The following DYNC1H1 variants were observed in gnomAD, a reference collection of about 807,000 sequenced individuals.
DYNC1H1 encodes dynein cytoplasmic 1 heavy chain 1, also known as cytoplasmic dynein 1 heavy chain 1.
Under a neutral mutation model 527.1 loss-of-function variants are expected in DYNC1H1, and 51 were observed. The ratio of observed to expected loss-of-function variants is 0.10; its 90% CI spans 0.08 to 0.12. The LOEUF (loss-of-function observed/expected upper bound fraction) is 0.12, where lower values mean the gene tolerates loss of function less well. Among genes scored for constraint, DYNC1H1 ranks in the 10% least tolerant of loss-of-function variants. The probability of loss-of-function intolerance (pLI) is 1.00; values close to 1 mark genes in which losing one functional copy is unlikely to be tolerated. For missense variants in DYNC1H1, 2,771 were observed against 5,971.8 expected, an observed-to-expected ratio of 0.46 and a Z score of 17.66; for synonymous variants, 2,189 against 2,278.8, an observed-to-expected ratio of 0.96 and a Z score of 1.12.
At chr14:101,992,653 A>G (rs2048011069) in intron 11 of DYNC1H1, among the ~76,000 whole-genome samples, 1 of 152,028 alleles carries the variant, frequency 6.6e-6, no homozygotes, top group South Asian at 2.1e-4. Flanking sequence ...CTTCATAAGG[A>G]AGCTCCCTTC....
intron 23 of DYNC1H1, among the ~76,000 whole-genome samples, chr14:102,003,492 C>G (rs2048155714): frequency 6.6e-6 from 1 of 152,086 alleles, no homozygotes; most frequent in African/African-American, 2.4e-5. Flanking sequence ...GAACTTCTGA[C>G]CTTAGGTGAG....
At chr14:101,972,865 A>G (rs74082015) in intron 1 of DYNC1H1, among the ~76,000 whole-genome samples, 6,781 of 152,242 alleles carry the variant, frequency 0.045, 520 homozygotes, top group African/African-American at 0.16. Flanking sequence ...AACAATATGG[A>G]AAATTCAGAA....
rs1488036141 is a variant in DYNC1H1, at chr14:101,964,656, T to C, written c.-36T>C. On this transcript the variant is annotated 5_prime_UTR_variant, in exon 1 of 78. Coordinates refer to ENST00000360184, the MANE Select transcript of DYNC1H1 (RefSeq NM_001376.5). The surrounding 1 kb of genome is among the most constrained non-coding windows in gnomAD (Gnocchi z 5.5). ...GCTGTCTCGCTGAGTCGCGGCCGCC[T>C]TCTCATCGCTCCTGGAAGGTCCCGA... is the stretch of plus-strand genomic sequence containing the variant. 6.4e-7 allele frequency: 1 copy of C among 1,556,582 alleles called. No homozygotes were observed. Among genetic ancestry groups the C allele is most frequent in the Non-Finnish European group, 8.6e-7 (1 of 1,156,868 alleles).
rs1237321909 is a variant in DYNC1H1 at position 102,015,915 on chromosome 14, C to G, written c.7302C>G (p.Thr2434=). 6.2e-7 allele frequency: 1 copy of G among 1,614,126 alleles called. No individual in the cohort carries two copies. The highest frequency in any genetic ancestry group is 8.5e-7 in the Non-Finnish European group (1 of 1,180,052). Residue 2434 remains threonine (T), a synonymous_variant, in exon 36 of 78, where the codon ACC becomes ACG. Coordinates refer to ENST00000360184, the MANE Select transcript of DYNC1H1 (RefSeq NM_001376.5). This position sits in a 1 kb window ranked among gnomAD's most constrained non-coding sequence, Gnocchi z 6.9. ...ACTTCACGTCCAACGGCCTGGTCAC[C>G]AAGGCGCTAGAGCACGCCTTCCAGC... ...QPYFTSNGLV[T]KALEHAFQLE...
Position 102,001,808 on chromosome 14 carries a change from G to A in DYNC1H1, c.4542+127G>A. On this transcript the variant is annotated intron_variant, in intron 21 of 77. Coordinates refer to ENST00000360184, the MANE Select transcript of DYNC1H1 (RefSeq NM_001376.5). The surrounding 1 kb of genome is among the most constrained non-coding windows in gnomAD (Gnocchi z 5.0). ...ATTTTTTGAGACAGGGTCTCACTCT[G>A]TCTCCCACGCTGGAGTGCAGTGGCA... 1 of 1,337,760 alleles carries A rather than the reference G, an allele frequency of 7.5e-7. No individual in the cohort carries two copies. Among genetic ancestry groups the A allele is most frequent in the Non-Finnish European group, 1.0e-6 (1 of 961,628 alleles). The allele number at this position is 1,337,760 out of a possible 1,614,324, so 82.9% of individuals were successfully genotyped here. A position where few individuals can be genotyped will look rare whatever the true frequency, so the allele number is the denominator to read the frequency against.
Position 101,983,739 on chromosome 14 carries a change from A to G in DYNC1H1, c.1461+130A>G. On this transcript the variant is annotated intron_variant, in intron 7 of 77. Coordinates refer to ENST00000360184, the MANE Select transcript of DYNC1H1 (RefSeq NM_001376.5). The surrounding 1 kb of genome is among the most constrained non-coding windows in gnomAD (Gnocchi z 5.3). ...GTTGCCCAGGCTGGAGTGCAATGGCATGATCTTGGCTCACTGCAACCTCCG... is the reference window on the plus strand; with the variant it reads ...GTTGCCCAGGCTGGAGTGCAATGGCGTGATCTTGGCTCACTGCAACCTCCG... 4 of 1,088,610 alleles carry G rather than the reference A, an allele frequency of 3.7e-6. No individual in the cohort carries two copies. The highest frequency in any genetic ancestry group is 5.4e-6 in the Non-Finnish European group (4 of 747,112). The allele number at this position is 1,088,610 out of a possible 1,614,324, so 67.4% of individuals were successfully genotyped here.
rs2048603403 is a variant in DYNC1H1, at chr14:102,038,446, C to T, written c.10909-14C>T. 6.2e-7 allele frequency: 1 copy of T among 1,613,694 alleles called. No homozygotes were observed. Among genetic ancestry groups the T allele is most frequent in the South Asian group, 1.1e-5 (1 of 91,054 alleles). ...AAAGCCCTGACCATCAAGTTCCACC[C>T]GTGTGGAATGCAGGATGTGGAAAGC... On this transcript the variant is annotated splice_polypyrimidine_tract_variant and intron_variant, in intron 57 of 77. Coordinates refer to ENST00000360184, the MANE Select transcript of DYNC1H1 (RefSeq NM_001376.5). The surrounding 1 kb of genome is among the most constrained non-coding windows in gnomAD (Gnocchi z 7.2).
chr14:102,025,864 T>C (rs2048443903), intron 43 of DYNC1H1, among the ~76,000 whole-genome samples: 1 of 152,190 alleles, frequency 6.6e-6, no homozygotes, highest in African/African-American at 2.4e-5. Context: ...ACGCCTGTAA[T>C]CCCAGCACTT....
intron 11 of DYNC1H1, among the ~76,000 whole-genome samples, chr14:101,992,855 G>C (rs1397629720): frequency 6.6e-6 from 1 of 152,076 alleles, no homozygotes; most frequent in African/African-American, 2.4e-5. Flanking sequence ...TCAGTGGCTG[G>C]TCTCCTTTCT....
rs368443058 is a variant in DYNC1H1, at chr14:102,011,801, G to C, written c.6619-74G>C. ...TAATGTTTCTTGCTCACTTTCACAA[G>C]AGGTGGCTGGGCGAGGAGCTGTCCC... On this transcript the variant is annotated intron_variant, in intron 32 of 77. Transcript: ENST00000360184. This position sits in a 1 kb window ranked among gnomAD's most constrained non-coding sequence, Gnocchi z 5.3. 2.7e-6 allele frequency: 4 copies of C among 1,478,214 alleles called. No individual in the cohort carries two copies. Among genetic ancestry groups the C allele is most frequent in the East Asian group, 4.5e-5 (2 of 44,236 alleles). The allele number at this position is 1,478,214 out of a possible 1,614,324, so 91.6% of individuals were successfully genotyped here. A position where few individuals can be genotyped will look rare whatever the true frequency, so the allele number is the denominator to read the frequency against.
In DYNC1H1 at chr14:102,036,721, C is replaced by G. The variant is rs1203183805; in HGVS notation, c.10908+79C>G. On this transcript the variant is annotated intron_variant, in intron 57 of 77. Coordinates refer to ENST00000360184, the MANE Select transcript of DYNC1H1 (RefSeq NM_001376.5). The surrounding 1 kb of genome is among the most constrained non-coding windows in gnomAD (Gnocchi z 5.6). ...TTTGGGGGCTGCCTTTAGTTTTCAACTTTGTAAGACTTCATTTTGTATCAG... is the reference window on the plus strand; with the variant it reads ...TTTGGGGGCTGCCTTTAGTTTTCAAGTTTGTAAGACTTCATTTTGTATCAG... 1 of 1,533,764 alleles carries G rather than the reference C, an allele frequency of 6.5e-7. No homozygotes were observed. The highest frequency in any genetic ancestry group is 2.3e-5 in the East Asian group (1 of 44,418).
chr14:101,964,684 G>T lies in DYNC1H1; in HGVS notation c.-8G>T. ...TCATCGCTCCTGGAAGGTCCCGAGC[G>T]CGACACCATGTCGGAGCCCGGGGGC... On this transcript the variant is annotated 5_prime_UTR_variant, in exon 1 of 78. Transcript: ENST00000360184. This position sits in a 1 kb window ranked among gnomAD's most constrained non-coding sequence, Gnocchi z 5.5. The T allele has an allele frequency of 6.3e-7, 1 of 1,585,312 alleles. No individual in the cohort carries two copies. The highest frequency in any genetic ancestry group is 8.5e-7 in the Non-Finnish European group (1 of 1,171,430).
At chr14:102,040,451 C>T (rs755519687) in intron 63 of DYNC1H1, 41 bp downstream of exon 63, 1 of 1,613,700 alleles carries the variant, frequency 6.2e-7, no homozygotes, top group Non-Finnish European at 8.5e-7. Context: ...TAAATGTTGG[C>T]CTTTTCCCAG....
At chr14:101,995,636 G>A (rs1024480922) in intron 15 of DYNC1H1, among the ~76,000 whole-genome samples, 1 of 151,048 alleles carries the variant, frequency 6.6e-6, no homozygotes, top group Non-Finnish European at 1.5e-5. Context: ...AATTACACTA[G>A]ATCTCTAGTT....
In DYNC1H1 at chr14:101,997,135, A is replaced by G. The variant is rs2048071678; in HGVS notation, c.3665A>G (p.Asn1222Ser). Residue 1222 changes from asparagine to serine, a missense_variant, in exon 16 of 78, where the codon AAT becomes AGT. Transcript: ENST00000360184. This position sits in a 1 kb window ranked among gnomAD's most constrained non-coding sequence, Gnocchi z 4.8. ...DNIEGEWGAF[N>S]DIMRRKDSAI... ...ATCGAGGGAGAGTGGGGAGCCTTCA[A>G]TGACATCATGCGGCGAAAGGACTCT... 1.2e-6 allele frequency: 2 copies of G among 1,614,168 alleles called. No homozygotes were observed. The highest frequency in any genetic ancestry group is 1.1e-5 in the South Asian group (1 of 91,086).
In DYNC1H1 at chr14:102,018,746, A is replaced by C; in HGVS notation, c.8343+130A>C. ...GAGGCCAAGGTGGGTGGATCCTTTG[A>C]GCCCAGGAGTTTGAGACCAGTCTGG... is the stretch of plus-strand genomic sequence containing the variant. On this transcript the variant is annotated intron_variant, in intron 41 of 77. Transcript: ENST00000360184. The surrounding 1 kb of genome is among the most constrained non-coding windows in gnomAD (Gnocchi z 5.2). 1 of 1,264,838 alleles carries C rather than the reference A, an allele frequency of 7.9e-7. No individual in the cohort carries two copies. Among genetic ancestry groups the C allele is most frequent in the Non-Finnish European group, 1.1e-6 (1 of 902,290 alleles). 78.4% of individuals were successfully genotyped at this position (1,264,838 alleles called of 1,614,324 possible).
rs1423549948 is a variant in DYNC1H1, at chr14:102,017,654, G to A, written c.8177+150G>A. On this transcript the variant is annotated intron_variant, in intron 40 of 77. Transcript: ENST00000360184. The surrounding 1 kb of genome is among the most constrained non-coding windows in gnomAD (Gnocchi z 4.6). The stretch of plus-strand genomic sequence containing the variant: ...TTGGGTTACTTCTCTGTGCTGTAAT[G>A]CCAGGAAAACATGTTAAAAATAAAA... The A allele has an allele frequency of 1.4e-6, 2 of 1,409,944 alleles. No individual in the cohort carries two copies. Among genetic ancestry groups the A allele is most frequent in the African/African-American group, 1.4e-5 (1 of 70,178 alleles). 87.3% of individuals were successfully genotyped at this position (1,409,944 alleles called of 1,614,324 possible). A position where few individuals can be genotyped will look rare whatever the true frequency, so the allele number is the denominator to read the frequency against.
rs913154806 is a variant in DYNC1H1 at position 102,015,364 on chromosome 14, C to A, written c.7242+32C>A. On this transcript the variant is annotated intron_variant, in intron 35 of 77. Coordinates refer to ENST00000360184, the MANE Select transcript of DYNC1H1 (RefSeq NM_001376.5). This position sits in a 1 kb window ranked among gnomAD's most constrained non-coding sequence, Gnocchi z 6.9. ...CCAGGTGGGACCCCACATATCATGA[C>A]CTGAGGGTGCTAGGATATTCAGATG... 7 of 1,579,230 alleles carry A rather than the reference C, an allele frequency of 4.4e-6. No individual in the cohort carries two copies. The highest frequency in any genetic ancestry group is 8.6e-7 in the Non-Finnish European group (1 of 1,161,156).
chr14:102,006,987 C>T, intron 27 of DYNC1H1, 21 bp from the exon 28 acceptor site: 1 of 1,610,334 alleles, frequency 6.2e-7, no homozygotes, highest in Non-Finnish European at 8.5e-7. Flanking sequence ...CTCAAGCACT[C>T]TGTTGCTTTT....
Sources: gnomAD v4.1 joint callset for allele counts (sites outside exome capture counted in the v4.1 genomes callset) on GRCh38, gnomAD v4.1.1 for gene constraint, Gnocchi (gnomAD v3.1) non-coding constraint, MANE v1.5 for transcripts, NCBI Gene and HGNC (gene_info 2026-07-23, HGNC 2026-07-21) for gene names.